The following ATP10B variants were observed in gnomAD, a reference collection of about 807,000 sequenced individuals.
The protein encoded by ATP10B is phospholipid-transporting ATPase VB.
A neutral mutation model predicts 141.2 loss-of-function variants in ATP10B; 122 were observed. That is an observed-to-expected ratio of 0.86 (90% CI 0.75 to 1.00). The LOEUF (loss-of-function observed/expected upper bound fraction) is 1.00. ATP10B is among the 50% of genes least tolerant of loss of function. ATP10B has a pLI of 0.00. For missense variants in ATP10B, 1,876 were observed against 1,825.3 expected, an observed-to-expected ratio of 1.03 and a Z score of -0.51; for synonymous variants, 685 against 692.0, an observed-to-expected ratio of 0.99 and a Z score of 0.16.
At chr5:160,928,558 G>C in the ATP10B span, among the ~76,000 whole-genome samples, 2 of 152,092 alleles carry the variant, frequency 1.3e-5, no homozygotes, top group South Asian at 4.2e-4. Flanking sequence ...TTAACTTCTC[G>C]GAGTCTCACC....
intron 1 of ATP10B, among the ~76,000 whole-genome samples, chr5:160,825,444 G>A (rs1774518633): frequency 6.6e-6 from 1 of 152,160 alleles, no homozygotes; most frequent in Non-Finnish European, 1.5e-5. Flanking sequence ...CTTGTCTGCT[G>A]CCATGTGAGA....
At chr5:160,618,588 C>A (rs1758158921) in intron 15 of ATP10B, among the ~76,000 whole-genome samples, 1 of 152,186 alleles carries the variant, frequency 6.6e-6, no homozygotes, top group African/African-American at 2.4e-5. Context: ...TATGCATTTC[C>A]TATGAATGTA....
chr5:160,817,304 C>T (rs989286670), intron 1 of ATP10B, among the ~76,000 whole-genome samples: 3 of 152,158 alleles, frequency 2.0e-5, no homozygotes, highest in Non-Finnish European at 4.4e-5. Flanking sequence ...CTTCAACAGT[C>T]TCAGGATACA....
intron 6 of ATP10B, among the ~76,000 whole-genome samples, chr5:160,680,405 A>ATAAC (rs1763306379): frequency 6.6e-6 from 1 of 152,204 alleles, no homozygotes; most frequent in Non-Finnish European, 1.5e-5. Flanking sequence ...AGTTAAGATA[A>ATAAC]TAACTAACAC....
At chr5:160,868,084 C>T in the ATP10B span, among the ~76,000 whole-genome samples, 2 of 152,096 alleles carry the variant, frequency 1.3e-5, no homozygotes, top group Non-Finnish European at 2.9e-5. Flanking sequence ...GAGCGTTAAG[C>T]CTGAGTTGTA....
intron 22 of ATP10B, among the ~76,000 whole-genome samples, chr5:160,595,116 T>G (rs1756585674): frequency 6.6e-6 from 1 of 152,146 alleles, no homozygotes; most frequent in Admixed American, 6.6e-5. Flanking sequence ...TCACACTTAT[T>G]CCAAAACTGA....
the ATP10B span, among the ~76,000 whole-genome samples, chr5:160,905,828 T>C: frequency 6.6e-6 from 1 of 152,096 alleles, no homozygotes; most frequent in Non-Finnish European, 1.5e-5. Context: ...TGTAAAATAT[T>C]AAAAAGCATA....
At chr5:160,653,620 T>C (rs1309601736) in intron 7 of ATP10B, among the ~76,000 whole-genome samples, 1 of 10,190 alleles carries the variant, frequency 9.8e-5, no homozygotes, top group African/African-American at 2.2e-4. Flanking sequence ...TATACATATA[T>C]ATTATATATA....
At chr5:160,805,642 G>C (rs902302639) in intron 1 of ATP10B, among the ~76,000 whole-genome samples, 1 of 151,948 alleles carries the variant, frequency 6.6e-6, no homozygotes, top group Admixed American at 6.6e-5. Flanking sequence ...AGGGCCCCAG[G>C]TACAGTGAAA....
intron 1 of ATP10B, among the ~76,000 whole-genome samples, chr5:160,803,993 T>C (rs1477921308): frequency 6.6e-6 from 1 of 152,090 alleles, no homozygotes. Context: ...CTGACTCCAG[T>C]TCCTGACTGG....
chr5:160,886,943 C>T, the ATP10B span, among the ~76,000 whole-genome samples: 1 of 152,296 alleles, frequency 6.6e-6, no homozygotes, highest in South Asian at 2.1e-4. Flanking sequence ...TATTTTTACC[C>T]TCCAGCAGGA....
At chr5:160,736,637 G>A (rs189648272) in intron 2 of ATP10B, among the ~76,000 whole-genome samples, 68 of 152,272 alleles carry the variant, frequency 4.5e-4, no homozygotes, top group Non-Finnish European at 7.4e-4. Flanking sequence ...GCGTACGCCT[G>A]TAGTCCCAAC....
chr5:160,830,130 G>A (rs1774958700), intron 1 of ATP10B, among the ~76,000 whole-genome samples: 1 of 151,992 alleles, frequency 6.6e-6, no homozygotes, highest in Non-Finnish European at 1.5e-5. Context: ...TGCCTACTCT[G>A]TTGAGGGCTT....
At position 160,591,047 on chromosome 5, in the gene ATP10B, T is replaced by C; in HGVS notation, c.3645+12A>G. The C allele has an allele frequency of 6.2e-7, 1 of 1,608,688 alleles. No individual in the cohort carries two copies. On this transcript the variant is annotated intron_variant, in intron 23 of 25. Coordinates refer to ENST00000327245, the MANE Select transcript of ATP10B (RefSeq NM_025153.3). Reference sequence around the variant, plus strand: ...GCAATTTATGTGGTTAGAATGGGACTACATGACTTACCAGGTAAGGGATAA... The same window carrying C: ...GCAATTTATGTGGTTAGAATGGGACCACATGACTTACCAGGTAAGGGATAA...
intron 1 of ATP10B, among the ~76,000 whole-genome samples, chr5:160,797,008 C>G (rs1339179525): frequency 6.6e-6 from 1 of 152,180 alleles, no homozygotes; most frequent in Non-Finnish European, 1.5e-5. Context: ...CTTCCACATA[C>G]AATCTGTTCC....
At chr5:160,766,392 A>G (rs1271266955) in intron 2 of ATP10B, among the ~76,000 whole-genome samples, 1 of 146,698 alleles carries the variant, frequency 6.8e-6, no homozygotes, top group African/African-American at 2.5e-5. Flanking sequence ...ACAGACACTC[A>G]CCATGGAATA....
chr5:160,779,825 T>A (rs1392753395), intron 2 of ATP10B, among the ~76,000 whole-genome samples: 1 of 151,970 alleles, frequency 6.6e-6, no homozygotes. Context: ...CAATGGATGC[T>A]GTATACAAGC....
At chr5:160,667,949 G>T (rs1762420171) in intron 7 of ATP10B, among the ~76,000 whole-genome samples, 1 of 152,042 alleles carries the variant, frequency 6.6e-6, no homozygotes, top group Non-Finnish European at 1.5e-5. Flanking sequence ...GGTAGAATAG[G>T]CCAGGCACCG....
the ATP10B span, among the ~76,000 whole-genome samples, chr5:160,898,007 G>A: frequency 2.0e-5 from 3 of 152,244 alleles, no homozygotes; most frequent in African/African-American, 7.2e-5. Context: ...ACTGAAACTG[G>A]ACCTCTTCCT....
Sources: gnomAD v4.1 joint callset for allele counts (sites outside exome capture counted in the v4.1 genomes callset) on GRCh38, gnomAD v4.1.1 for gene constraint, MANE v1.5 for transcripts, NCBI Gene and HGNC (gene_info 2026-07-23, HGNC 2026-07-21) for gene names.